Variants in FAM107B observed in about 807,000 individuals in gnomAD.
FAM107B encodes the protein protein FAM107B.
Under a neutral mutation model 31.5 loss-of-function variants are expected in FAM107B, and 21 were observed. The ratio of observed to expected loss-of-function variants is 0.67; its 90% confidence interval spans 0.47 to 0.96. The LOEUF is 0.96. FAM107B is among the 40% of genes least tolerant of loss of function. The pLI is 0.00. For missense variants in FAM107B, 452 were observed against 377.1 expected, an observed-to-expected ratio of 1.20 and a Z score of -1.64; for synonymous variants, 157 against 141.5, an observed-to-expected ratio of 1.11 and a Z score of -0.78.
chr10:14,540,762 G>A (rs1029405376), intron 2 of FAM107B, among the ~76,000 whole-genome samples: 5 of 152,148 alleles, frequency 3.3e-5, no homozygotes, highest in South Asian at 2.1e-4. Context: ...TTCCAACTTC[G>A]TACTGGAATG....
chr10:14,675,707 TA>T (rs147162467), intron 1 of FAM107B, among the ~76,000 whole-genome samples: 5,150 of 152,270 alleles, frequency 0.034, 281 homozygotes, highest in African/African-American at 0.12. Context: ...GATAGCTTTT[TA>T]TTTTTTCTCA....
At chr10:14,559,590 G>C (rs1850055386) in intron 2 of FAM107B, among the ~76,000 whole-genome samples, 1 of 145,258 alleles carries the variant, frequency 6.9e-6, no homozygotes, top group Non-Finnish European at 1.5e-5. Context: ...TTTTTTTTGA[G>C]ATGGAGTCAC....
chr10:14,672,427 C>A (rs1854582965), intron 1 of FAM107B, among the ~76,000 whole-genome samples: 1 of 152,140 alleles, frequency 6.6e-6, no homozygotes, highest in Admixed American at 6.5e-5. Context: ...TCAAATGTGA[C>A]CACGATGATG....
intron 1 of FAM107B, among the ~76,000 whole-genome samples, chr10:14,750,611 C>A (rs7898321): frequency 0.016 from 2,443 of 152,102 alleles, 59 homozygotes; most frequent in African/African-American, 0.051. Flanking sequence ...GACTCTGTCT[C>A]AAAAACAATA....
chr10:14,551,257 C>T (rs986988984), intron 2 of FAM107B, among the ~76,000 whole-genome samples: 1 of 152,146 alleles, frequency 6.6e-6, no homozygotes, highest in Non-Finnish European at 1.5e-5. Flanking sequence ...AAGCGATTCT[C>T]CTGCCTCAGC....
chr10:14,541,994 G>A (rs961217938), intron 2 of FAM107B, among the ~76,000 whole-genome samples: 12 of 152,082 alleles, frequency 7.9e-5, no homozygotes, highest in Admixed American at 3.3e-4. Flanking sequence ...AGTGGCTCAC[G>A]CCTGTAAATC....
intron 1 of FAM107B, among the ~76,000 whole-genome samples, chr10:14,685,423 G>C (rs1454938767): frequency 1.3e-5 from 2 of 152,114 alleles, no homozygotes; most frequent in Non-Finnish European, 2.9e-5. Flanking sequence ...AAAGTGCTAG[G>C]ATTATAGTGT....
intron 2 of FAM107B, among the ~76,000 whole-genome samples, chr10:14,601,508 T>C: frequency 6.6e-6 from 1 of 152,004 alleles, no homozygotes; most frequent in Non-Finnish European, 1.5e-5. Context: ...TCTCATGAGG[T>C]CATCCCAAGG....
rs1564300483 is a variant in FAM107B, at chr10:14,774,549, A to T, written c.115T>A (p.Ser39Thr). 6.2e-7 allele frequency: 1 copy of T among 1,614,210 alleles called. No individual in the cohort carries two copies. The highest frequency in any genetic ancestry group is 8.5e-7 in the Non-Finnish European group (1 of 1,180,036). ...TCAGCCACGCCGGACTGATTGAAGG[A>T]AGCACTCTCCCTCGTATTCCCAAAA... ...ACFGNTRESA[S>T]FNQSGVADTH... Residue 39 changes from serine (S) to threonine (T), a missense_variant, in exon 1 of 5, where the codon TCC (serine) becomes ACC (threonine). Coordinates refer to ENST00000181796, the MANE Select transcript of FAM107B (RefSeq NM_031453.4).
chr10:14,625,855 G>C (rs1384404392), intron 2 of FAM107B, among the ~76,000 whole-genome samples: 1 of 46,626 alleles, frequency 2.1e-5, no homozygotes, highest in Non-Finnish European at 3.8e-5. Context: ...CCTCCATGCA[G>C]CTGCTCATGG....
intron 1 of FAM107B, among the ~76,000 whole-genome samples, chr10:14,669,799 G>A (rs753748894): frequency 1.3e-4 from 20 of 152,350 alleles, no homozygotes; most frequent in South Asian, 4.1e-4. Flanking sequence ...GGGGAATGAA[G>A]AGAGGTTGGT....
intron 2 of FAM107B, among the ~76,000 whole-genome samples, chr10:14,599,481 T>C (rs1462699828): frequency 6.6e-6 from 1 of 152,144 alleles, no homozygotes; most frequent in Non-Finnish European, 1.5e-5. Flanking sequence ...CAGGGCCTGT[T>C]TTAGGACTAT....
chr10:14,708,497 C>A (rs1855569604), intron 1 of FAM107B, among the ~76,000 whole-genome samples: 1 of 152,100 alleles, frequency 6.6e-6, no homozygotes, highest in Admixed American at 6.5e-5. Flanking sequence ...TACTCAGGAT[C>A]CAGGGAAATG....
intron 1 of FAM107B, among the ~76,000 whole-genome samples, chr10:14,674,196 G>A (rs1378271041): frequency 2.0e-5 from 3 of 152,126 alleles, no homozygotes; most frequent in Admixed American, 2.0e-4. Context: ...CTAGGCAAAG[G>A]TTTTATGGCT....
At chr10:14,676,229 T>C (rs1164625243) in intron 1 of FAM107B, among the ~76,000 whole-genome samples, 2 of 152,266 alleles carry the variant, frequency 1.3e-5, no homozygotes, top group Middle Eastern at 3.4e-3. Context: ...TTGATGGATA[T>C]GAATAGTCTG....
At chr10:14,658,384 C>T (rs1588688499) in intron 2 of FAM107B, among the ~76,000 whole-genome samples, 1 of 152,312 alleles carries the variant, frequency 6.6e-6, no homozygotes, top group East Asian at 1.9e-4. Context: ...GTCTATTTAG[C>T]ATCTTGAAGG....
chr10:14,703,481 G>A (rs900850179), intron 1 of FAM107B, among the ~76,000 whole-genome samples: 6 of 151,784 alleles, frequency 4.0e-5, no homozygotes, highest in South Asian at 4.2e-4. Flanking sequence ...GACTACAGGC[G>A]TGCGTCATCA....
intron 1 of FAM107B, among the ~76,000 whole-genome samples, chr10:14,734,091 TA>T (rs199541560): frequency 1.1e-4 from 17 of 151,312 alleles, no homozygotes; most frequent in Non-Finnish European, 1.6e-4. Context: ...GGACTTCCTT[TA>T]AAAAAAAATA....
intron 2 of FAM107B, among the ~76,000 whole-genome samples, chr10:14,535,225 G>A (rs537339666): frequency 4.6e-5 from 7 of 152,224 alleles, no homozygotes; most frequent in African/African-American, 1.7e-4. Context: ...GACCAGCTCA[G>A]TGAAGGAGAA....
Sources: allele counts gnomAD v4.1 joint callset (sites outside exome capture counted in the v4.1 genomes callset), GRCh38; gene constraint gnomAD v4.1.1; transcripts MANE v1.5; gene names NCBI Gene and HGNC (gene_info 2026-07-23, HGNC 2026-07-21).